Variants in BMERB1 observed in about 807,000 individuals in gnomAD.
BMERB1 encodes the protein bMERB domain-containing protein 1.
A neutral mutation model predicts 23.6 loss-of-function variants in BMERB1; 12 were observed. That is an observed-to-expected ratio of 0.51 (90% CI 0.33 to 0.82). The LOEUF (loss-of-function observed/expected upper bound fraction) is 0.82, where lower values mean the gene tolerates loss of function less well. Among genes scored for constraint, BMERB1 ranks in the 40% least tolerant of loss-of-function variants. The pLI is 0.03. For missense variants in BMERB1, 247 were observed against 255.4 expected, an observed-to-expected ratio of 0.97 and a Z score of 0.22; for synonymous variants, 122 against 96.6, an observed-to-expected ratio of 1.26 and a Z score of -1.54.
rs57267276 is a variant in BMERB1, at chr16:15,468,162, T to TTTTTTTTTTTTC, written c.106+33404_106+33405insTTTTTTTTTTCT. On this transcript the variant is annotated intron_variant, in intron 1 of 5. Transcript: ENST00000300006. ...TTTTTTTTTTTTTTTTTTTTTTTTT[T>TTTTTTTTTTTTC]TGAGGCAGGGTCTCAGTCTGTCACC... 3.1e-4 allele frequency among the ~76,000 whole-genome samples: 20 copies of TTTTTTTTTTTTC among 64,552 alleles called. 1 individual carries two copies. Among genetic ancestry groups the TTTTTTTTTTTTC allele is most frequent in the Non-Finnish European group, 5.3e-4 (17 of 32,168 alleles). The allele number at this position is 64,552 out of a possible 152,430, so 42.3% of individuals were successfully genotyped here. A position where few individuals can be genotyped will look rare whatever the true frequency, so the allele number is the denominator to read the frequency against.
intron 1 of BMERB1, among the ~76,000 whole-genome samples, chr16:15,461,418 C>T (rs1177419246): frequency 6.6e-6 from 1 of 152,116 alleles, no homozygotes; most frequent in Non-Finnish European, 1.5e-5. Flanking sequence ...TTTCTTCTTT[C>T]TTCCCTGCTT....
chr16:15,579,855 A>G (rs1288972062), intron 3 of BMERB1, among the ~76,000 whole-genome samples: 1 of 152,156 alleles, frequency 6.6e-6, no homozygotes, highest in African/African-American at 2.4e-5. Flanking sequence ...TGGCTTTGTC[A>G]TGACCATTTA....
intron 1 of BMERB1, among the ~76,000 whole-genome samples, chr16:15,451,972 C>G (rs568249377): frequency 6.6e-6 from 1 of 151,824 alleles, no homozygotes; most frequent in African/African-American, 2.4e-5. Flanking sequence ...ATCTGGAAAT[C>G]CTTCCAGAAT....
rs1480305061 is a variant in BMERB1 at position 15,587,456 on chromosome 16, G to A, written c.*627G>A. 1 of 355,592 alleles carries A rather than the reference G, an allele frequency of 2.8e-6. No individual in the cohort carries two copies. The highest frequency in any genetic ancestry group is 5.9e-6 in the Non-Finnish European group (1 of 170,260). The allele number at this position is 355,592 out of a possible 1,614,324, so 22.0% of individuals were successfully genotyped here. ...CCCGCTTCCCCCCATCCTGTGTCTG[G>A]GCACAGTTCACATCAGGACAGCGTC... is the stretch of plus-strand genomic sequence containing the variant. On this transcript the variant is annotated 3_prime_UTR_variant, in exon 6 of 6. Transcript: ENST00000300006.
intron 2 of BMERB1, among the ~76,000 whole-genome samples, chr16:15,557,451 T>C (rs1160735297): frequency 6.6e-6 from 1 of 152,222 alleles, no homozygotes; most frequent in Non-Finnish European, 1.5e-5. Context: ...TTGAACAATA[T>C]GATTTAATGG....
At chr16:15,576,266 C>G (rs2030856879) in intron 3 of BMERB1, among the ~76,000 whole-genome samples, 1 of 152,028 alleles carries the variant, frequency 6.6e-6, no homozygotes, top group Non-Finnish European at 1.5e-5. Context: ...CCAGGATGGT[C>G]TCAACCTCCT....
intron 2 of BMERB1, among the ~76,000 whole-genome samples, chr16:15,529,287 A>T (rs560992467): frequency 6.6e-6 from 1 of 152,082 alleles, no homozygotes; most frequent in Non-Finnish European, 1.5e-5. Flanking sequence ...CGGCCTCCCA[A>T]CGTGCTGGGA....
At position 15,571,070 on chromosome 16, in the gene BMERB1, A is replaced by G. The variant is rs1238104254; in HGVS notation, c.304+3014A>G. Among the ~76,000 whole-genome samples, 5 of 151,846 alleles carry G rather than the reference A, an allele frequency of 3.3e-5. No homozygotes were observed. The South Asian group carries it at 8.3e-4, about 25-fold the overall frequency. On this transcript the variant is annotated intron_variant, in intron 3 of 5. Coordinates refer to ENST00000300006, the MANE Select transcript of BMERB1 (RefSeq NM_033201.3). ...GACCTGTATCTTGTGCCGACCTCCT[A>G]TCTCATCTTGTGACTTAGAATGCCT...
intron 3 of BMERB1, among the ~76,000 whole-genome samples, chr16:15,570,461 G>A (rs896193459): frequency 3.3e-5 from 5 of 152,068 alleles, no homozygotes; most frequent in South Asian, 2.1e-4. Context: ...TTGGGGGTAC[G>A]GGGCTCTGTG....
intron 2 of BMERB1, among the ~76,000 whole-genome samples, chr16:15,556,879 C>T (rs1458684656): frequency 1.3e-5 from 2 of 152,166 alleles, no homozygotes; most frequent in African/African-American, 4.8e-5. Flanking sequence ...CCACCGCGCC[C>T]GGCCCAGACA....
At chr16:15,531,672 C>G (rs1245878181) in intron 2 of BMERB1, among the ~76,000 whole-genome samples, 1 of 152,120 alleles carries the variant, frequency 6.6e-6, no homozygotes, top group East Asian at 1.9e-4. Flanking sequence ...AAAGAAGCTT[C>G]TTAGAAAGAC....
rs2031191975 is a variant in BMERB1, at chr16:15,587,862, T to G, written c.*1033T>G. ...GTACAGCCTGTGTGACTTCTCTGTA[T>G]GTGTGTGTGTGTCGTGACCAGCCTA... On this transcript the variant is annotated 3_prime_UTR_variant, in exon 6 of 6. Coordinates refer to ENST00000300006, the MANE Select transcript of BMERB1 (RefSeq NM_033201.3). The G allele has an allele frequency of 5.8e-6, 1 of 173,252 alleles. No homozygotes were observed. The highest frequency in any genetic ancestry group is 9.6e-5 in the South Asian group (1 of 10,398). The allele number at this position is 173,252 out of a possible 1,614,324, so 10.7% of individuals were successfully genotyped here.
At chr16:15,534,242 C>T (rs2051999623) in intron 2 of BMERB1, among the ~76,000 whole-genome samples, 1 of 146,846 alleles carries the variant, frequency 6.8e-6, no homozygotes, top group Admixed American at 7.0e-5. Flanking sequence ...AGAGGACTAG[C>T]CCCAGCCACA....
chr16:15,557,195 C>CA (rs1295390135), intron 2 of BMERB1, among the ~76,000 whole-genome samples: 4 of 152,142 alleles, frequency 2.6e-5, no homozygotes, highest in Non-Finnish European at 4.4e-5. Context: ...CGTGAAAGAC[C>CA]AAGATGCTGA....
At chr16:15,445,706 A>T (rs866319608) in intron 1 of BMERB1, among the ~76,000 whole-genome samples, 9 of 152,154 alleles carry the variant, frequency 5.9e-5, no homozygotes, top group African/African-American at 1.9e-4. Context: ...CATGGGGGGA[A>T]ATGGCTTGGT....
At chr16:15,451,756 T>G (rs1230326420) in intron 1 of BMERB1, among the ~76,000 whole-genome samples, 1 of 95,726 alleles carries the variant, frequency 1.0e-5, no homozygotes, top group Non-Finnish European at 2.3e-5. Flanking sequence ...TTTTTTTTTT[T>G]GTAGAGACAG....
At position 15,583,190 on chromosome 16, in the gene BMERB1, CT is replaced by C; in HGVS notation, c.455del (p.Leu152ArgfsTer5). The stretch of plus-strand genomic sequence containing the variant: ...AGAAGACAAGGAAATGGCTGATTTC[CT>C]GAGAATCAAGTTAAAACCTCTAGAC... ...QEEDKEMADFLRIKLKPLDKV... is the reference protein window; with the variant it reads ...QEEDKEMADFXRIKLKPLDKV... On this transcript the variant is annotated frameshift_variant, in exon 5 of 6. Transcript: ENST00000300006. LOFTEE classifies it high-confidence loss of function. 6.2e-7 allele frequency: 1 copy of C among 1,613,822 alleles called. No homozygotes were observed. Among genetic ancestry groups the C allele is most frequent in the Non-Finnish European group, 8.5e-7 (1 of 1,179,766 alleles).
chr16:15,444,119 C>CTTTTT (rs1225982061), intron 1 of BMERB1, among the ~76,000 whole-genome samples: 6 of 24,454 alleles, frequency 2.5e-4, no homozygotes, highest in South Asian at 1.3e-3. Flanking sequence ...CAGGCACCAG[C>CTTTTT]TTTGTTTTTT....
At chr16:15,515,238 A>G in intron 1 of BMERB1, 67 bp from the exon 2 acceptor site, 2 of 1,604,462 alleles carry the variant, frequency 1.2e-6, no homozygotes, top group South Asian at 1.1e-5. Context: ...CCCTGGAACC[A>G]TGTCAGGGTC....
Sources: gnomAD v4.1 joint callset for allele counts (sites outside exome capture counted in the v4.1 genomes callset) on GRCh38, gnomAD v4.1.1 for gene constraint, MANE v1.5 for transcripts, NCBI Gene and HGNC (gene_info 2026-07-23, HGNC 2026-07-21) for gene names.